Variants in NPSR1 observed in about 807,000 individuals in gnomAD.
NPSR1 encodes neuropeptide S receptor 1.
A neutral mutation model predicts 46.9 loss-of-function variants in NPSR1; 48 were observed. The observed-to-expected ratio is 1.02, with a 90% CI of 0.81 to 1.30. The LOEUF (loss-of-function observed/expected upper bound fraction) is 1.30, where lower values mean the gene tolerates loss of function less well. Ranked by LOEUF, NPSR1 falls within the 50% of genes most tolerant of loss-of-function variation. NPSR1 has a pLI of 0.00. For synonymous variants in NPSR1, 176 were observed against 168.1 expected (o/e 1.05, Z -0.36); for missense variants, 450 against 449.5 (o/e 1.00, Z -0.01).
intron 2 of NPSR1, chr7:34,761,131 TC>T (rs1363727679): frequency 6.5e-6 from 1 of 152,784 alleles, no homozygotes; most frequent in Non-Finnish European, 1.5e-5. Flanking sequence ...CACACTGCAT[TC>T]TTTGGGAAGC....
intron 4 of NPSR1, among the ~76,000 whole-genome samples, chr7:34,824,465 T>C (rs1789728999): frequency 6.6e-6 from 1 of 152,142 alleles, no homozygotes; most frequent in African/African-American, 2.4e-5. Flanking sequence ...GCAAATGGGC[T>C]CAGCTGCCTG....
chr7:34,750,392 C>T (rs13231222), intron 2 of NPSR1: 82,872 of 731,462 alleles, frequency 0.11, 5,670 homozygotes, highest in Non-Finnish European at 0.13. Context: ...TTCGGAAGCT[C>T]GCTGCTGGGT....
At chr7:34,786,184 T>A in intron 3 of NPSR1, among the ~76,000 whole-genome samples, 1 of 152,180 alleles carries the variant, frequency 6.6e-6, no homozygotes, top group East Asian at 1.9e-4. Flanking sequence ...TTTTATCAAA[T>A]ATGTTTATGT....
chr7:34,794,171 T>C (rs1440267824), intron 3 of NPSR1, among the ~76,000 whole-genome samples: 2 of 152,012 alleles, frequency 1.3e-5, no homozygotes, highest in African/African-American at 4.8e-5. Context: ...AGGGTGAATA[T>C]AAAAAACAAT....
chr7:34,863,207 T>G (rs781278779), intron 8 of NPSR1, among the ~76,000 whole-genome samples: 9 of 151,900 alleles, frequency 5.9e-5, no homozygotes, highest in Non-Finnish European at 1.3e-4. Context: ...GACCCGTTCC[T>G]TATGCCTTAT....
chr7:34,719,199 TTAATAGAA>T (rs1466482711), intron 2 of NPSR1: 1 of 152,228 alleles, frequency 6.6e-6, no homozygotes, highest in Non-Finnish European at 1.5e-5. Flanking sequence ...TGTAGGAGGA[TTAATAGAA>T]TGTGGAAAAA....
chr7:34,717,982 T>C (rs1159328611), intron 2 of NPSR1, among the ~76,000 whole-genome samples: 1 of 152,186 alleles, frequency 6.6e-6, no homozygotes, highest in Non-Finnish European at 1.5e-5. Flanking sequence ...ACACAATAGA[T>C]GGGCAAATCC....
intron 2 of NPSR1, among the ~76,000 whole-genome samples, chr7:34,704,858 G>A (rs1409911902): frequency 1.3e-5 from 2 of 152,212 alleles, no homozygotes; most frequent in Admixed American, 6.5e-5. Flanking sequence ...AATTAAAGGA[G>A]CTATCAGTTA....
At chr7:34,706,954 C>T (rs146810129) in intron 2 of NPSR1, among the ~76,000 whole-genome samples, 1,599 of 152,186 alleles carry the variant, frequency 0.011, 21 homozygotes, top group African/African-American at 0.036. Context: ...CCAAGAAGAG[C>T]TGGGTGGGCC....
At position 34,803,071 on chromosome 7, in the gene NPSR1, G is replaced by C. The variant is rs533999304; in HGVS notation, c.385-8699G>C. Among the ~76,000 whole-genome samples the C allele has an allele frequency of 1.0e-3, 146 of 145,080 alleles. No individual in the cohort carries two copies. In the Middle Eastern group the frequency reaches 0.014, roughly 14 times the overall value. On this transcript the variant is annotated intron_variant, in intron 3 of 8. Transcript: ENST00000360581. ...TCATTAAAAAGTCAGGAAACAACAG[G>C]TGCTGGAGAGGATGTGGAGAAATAG...
At chr7:34,773,549 T>C (rs1303491107) in intron 2 of NPSR1, among the ~76,000 whole-genome samples, 2 of 152,178 alleles carry the variant, frequency 1.3e-5, no homozygotes, top group African/African-American at 4.8e-5. Flanking sequence ...GACAGCTGGC[T>C]GATGCAGGAC....
intron 3 of NPSR1, among the ~76,000 whole-genome samples, chr7:34,790,724 T>TTATATATAATA (rs1250054550): frequency 9.8e-5 from 11 of 112,820 alleles, no homozygotes; most frequent in African/African-American, 2.7e-4. Context: ...ATAATATATG[T>TTATATATAATA]TATATGTTAT....
At chr7:34,699,502 C>CA (rs924425783) in intron 2 of NPSR1, among the ~76,000 whole-genome samples, 56 of 152,236 alleles carry the variant, frequency 3.7e-4, no homozygotes, top group African/African-American at 1.3e-3. Context: ...CTGTGTGGCT[C>CA]AAACAACAGA....
chr7:34,875,475 G>A (rs558750109), intron 8 of NPSR1, among the ~76,000 whole-genome samples: 4 of 152,222 alleles, frequency 2.6e-5, no homozygotes, highest in Non-Finnish European at 5.9e-5. Flanking sequence ...GAGATGGAAG[G>A]CTGCAAATTC....
At chr7:34,709,901 A>G (rs1437840556) in intron 2 of NPSR1, among the ~76,000 whole-genome samples, 2 of 152,238 alleles carry the variant, frequency 1.3e-5, no homozygotes, top group East Asian at 1.9e-4. Context: ...CTTCTGTAGC[A>G]GGGCTAACAG....
intron 8 of NPSR1, among the ~76,000 whole-genome samples, chr7:34,874,258 C>T (rs547629475): frequency 6.6e-6 from 1 of 152,326 alleles, no homozygotes; most frequent in South Asian, 2.1e-4. Context: ...CCTCCCTTTG[C>T]TCAAATGTAA....
intron 3 of NPSR1, among the ~76,000 whole-genome samples, chr7:34,807,801 G>GT (rs1788776168): frequency 6.6e-6 from 1 of 151,876 alleles, no homozygotes; most frequent in African/African-American, 2.4e-5. Context: ...TATATTAAGG[G>GT]TTTTTTGTTT....
At chr7:34,844,812 T>C in intron 6 of NPSR1, 84 bp from the exon 7 acceptor site, 2 of 899,930 alleles carry the variant, frequency 2.2e-6, no homozygotes, top group South Asian at 2.6e-5. Flanking sequence ...AACTGGAGTC[T>C]AACCTTTAAT....
intron 2 of NPSR1, among the ~76,000 whole-genome samples, chr7:34,707,538 C>T (rs1273135069): frequency 6.6e-6 from 1 of 152,162 alleles, no homozygotes; most frequent in African/African-American, 2.4e-5. Flanking sequence ...GCTTTGCTTT[C>T]GTAATTCAAC....
Sources: allele counts gnomAD v4.1 joint callset (sites outside exome capture counted in the v4.1 genomes callset), GRCh38; gene constraint gnomAD v4.1.1; transcripts MANE v1.5; gene names NCBI Gene and HGNC (gene_info 2026-07-23, HGNC 2026-07-21).